Variants in RFX3 observed in about 807,000 individuals in gnomAD.
The protein encoded by RFX3 is transcription factor RFX3.
In RFX3, 14 loss-of-function variants were observed where a neutral mutation model predicts 98.6. The observed-to-expected ratio is 0.14, with a 90% CI of 0.09 to 0.22. RFX3 has a LOEUF of 0.22. Ranked by LOEUF, RFX3 falls within the 10% of genes least tolerant of loss-of-function variation. The pLI, the probability that RFX3 is intolerant of heterozygous loss-of-function variation, is 1.00. For missense variants in RFX3, 639 were observed against 926.9 expected (o/e 0.69, Z 4.03); for synonymous variants, 383 against 328.4 (o/e 1.17, Z -1.80).
intron 1 of RFX3, among the ~76,000 whole-genome samples, chr9:3,508,284 C>T (rs10814190): frequency 0.2 from 29,808 of 151,704 alleles, 5,222 homozygotes; most frequent in East Asian, 0.57. Flanking sequence ...TATTCAAATC[C>T]CAATTTAAGG....
intron 2 of RFX3, among the ~76,000 whole-genome samples, chr9:3,373,654 T>C (rs1316675495): frequency 6.6e-6 from 1 of 152,146 alleles, no homozygotes; most frequent in Non-Finnish European, 1.5e-5. Flanking sequence ...GTTTCCCAGT[T>C]CTGTGAAGTT....
At chr9:3,475,132 A>G (rs557193129) in intron 1 of RFX3, among the ~76,000 whole-genome samples, 2 of 150,982 alleles carry the variant, frequency 1.3e-5, no homozygotes, top group Non-Finnish European at 3.0e-5. Context: ...AAGAAAAAGG[A>G]AGGAAGGAAG....
At chr9:3,319,870 T>C (rs2130712752) in intron 4 of RFX3, among the ~76,000 whole-genome samples, 1 of 147,970 alleles carries the variant, frequency 6.8e-6, no homozygotes, top group Middle Eastern at 3.5e-3. Context: ...AAAAAAAAAC[T>C]CAGATTCTCA....
chr9:3,350,374 T>C (rs1489846769), intron 2 of RFX3, among the ~76,000 whole-genome samples: 1 of 152,090 alleles, frequency 6.6e-6, no homozygotes, highest in East Asian at 1.9e-4. Flanking sequence ...AAATCTAAAA[T>C]GCTGAATTAG....
At chr9:3,339,684 T>G (rs11794761) in intron 3 of RFX3, among the ~76,000 whole-genome samples, 12,872 of 152,036 alleles carry the variant, frequency 0.085, 1,353 homozygotes, top group African/African-American at 0.25. Context: ...CCCGCCCACA[T>G]GAAGCTTACA....
intron 1 of RFX3, among the ~76,000 whole-genome samples, chr9:3,514,610 G>A (rs576131268): frequency 8.5e-5 from 13 of 152,088 alleles, no homozygotes; most frequent in African/African-American, 2.9e-4. Context: ...CACTGCACCC[G>A]GCTAATTTTT....
chr9:3,313,863 T>C (rs1048678342), intron 4 of RFX3, among the ~76,000 whole-genome samples: 4 of 152,084 alleles, frequency 2.6e-5, no homozygotes, highest in African/African-American at 9.7e-5. Flanking sequence ...CCAAGAAATA[T>C]GGGACTATGT....
chr9:3,374,315 C>T (rs567291406), intron 2 of RFX3, among the ~76,000 whole-genome samples: 29 of 152,174 alleles, frequency 1.9e-4, no homozygotes, highest in African/African-American at 5.3e-4. Context: ...CCAGCAATTC[C>T]GCTTCTCAGT....
At chr9:3,443,735 T>A (rs1014609176) in intron 1 of RFX3, among the ~76,000 whole-genome samples, 1 of 152,220 alleles carries the variant, frequency 6.6e-6, no homozygotes, top group African/African-American at 2.4e-5. Context: ...GTGGGGTTGC[T>A]GAGTCAAATG....
chr9:3,525,812 G>A lies in RFX3; in HGVS notation c.-74C>T. 2.5e-6 allele frequency: 2 copies of A among 786,336 alleles called. No individual in the cohort carries two copies. The highest frequency in any genetic ancestry group is 3.1e-6 in the Non-Finnish European group (2 of 647,600). The allele number at this position is 786,336 out of a possible 1,614,324, so 48.7% of individuals were successfully genotyped here. On this transcript the variant is annotated 5_prime_UTR_variant, in exon 1 of 17. Coordinates refer to ENST00000617270, the MANE Select transcript of RFX3 (RefSeq NM_001282116.2). ...AGATGGTGGTGGTGGGGAGGAGGAG[G>A]AGGAAGAGGAGGAGGAGGAGGAGAG...
intron 2 of RFX3, among the ~76,000 whole-genome samples, chr9:3,393,548 T>A (rs1355864764): frequency 6.8e-6 from 1 of 147,094 alleles, no homozygotes; most frequent in African/African-American, 2.6e-5. Flanking sequence ...AAGATAACTG[T>A]TATCTTTTTA....
chr9:3,524,747 C>A, intron 1 of RFX3: 1 of 302,962 alleles, frequency 3.3e-6, no homozygotes, highest in Non-Finnish European at 4.8e-6. Flanking sequence ...CCCCCTCCCA[C>A]CTCCACATGA....
intron 1 of RFX3, among the ~76,000 whole-genome samples, chr9:3,483,416 G>A (rs1849980405): frequency 6.6e-6 from 1 of 151,956 alleles, no homozygotes; most frequent in African/African-American, 2.4e-5. Context: ...CTGCATAACA[G>A]GTATTAAATA....
intron 1 of RFX3, among the ~76,000 whole-genome samples, chr9:3,503,067 C>A (rs774262923): frequency 1.1e-4 from 17 of 152,124 alleles, no homozygotes; most frequent in Non-Finnish European, 2.1e-4. Flanking sequence ...TTCATAAACA[C>A]AACGGTGGTA....
At chr9:3,501,690 G>A (rs971450222) in intron 1 of RFX3, among the ~76,000 whole-genome samples, 2 of 150,806 alleles carry the variant, frequency 1.3e-5, no homozygotes, top group Admixed American at 6.6e-5. Context: ...CAGAGTAGCT[G>A]GGATTACAAG....
At chr9:3,234,011 CCT>C (rs1217717752) in intron 15 of RFX3, among the ~76,000 whole-genome samples, 1 of 152,182 alleles carries the variant, frequency 6.6e-6, no homozygotes. Flanking sequence ...AGAAAATCTC[CCT>C]GTTAGTATAT....
rs1247372905 is a variant in RFX3, at chr9:3,222,886, A to G, written c.*2156T>C. ...ATATGAGTGAGTTGTATAATAAAAA[A>G]TTTGGATCAGTTTTTAAAATTACAT... On this transcript the variant is annotated 3_prime_UTR_variant, in exon 17 of 17. Coordinates refer to ENST00000617270, the MANE Select transcript of RFX3 (RefSeq NM_001282116.2). The G allele has an allele frequency of 6.6e-6, 1 of 152,214 alleles. No individual in the cohort carries two copies. The highest frequency in any genetic ancestry group is 1.5e-5 in the Non-Finnish European group (1 of 68,038). The allele number at this position is 152,214 out of a possible 1,614,324, so 9.4% of individuals were successfully genotyped here. A position where few individuals can be genotyped will look rare whatever the true frequency, so the allele number is the denominator to read the frequency against.
chr9:3,425,816 ATC>A (rs1843963434), intron 1 of RFX3, among the ~76,000 whole-genome samples: 1 of 152,164 alleles, frequency 6.6e-6, no homozygotes, highest in Non-Finnish European at 1.5e-5. Context: ...AGGTCCCTGA[ATC>A]TCTGTTCATT....
intron 1 of RFX3, among the ~76,000 whole-genome samples, chr9:3,504,640 A>G (rs1330793399): frequency 7.0e-6 from 1 of 142,532 alleles, no homozygotes; most frequent in African/African-American, 2.6e-5. Flanking sequence ...TGCATATAAA[A>G]TATATAGTAT....
Sources: allele counts gnomAD v4.1 joint callset (sites outside exome capture counted in the v4.1 genomes callset), GRCh38; gene constraint gnomAD v4.1.1; transcripts MANE v1.5; gene names NCBI Gene and HGNC (gene_info 2026-07-23, HGNC 2026-07-21).